VWA8: variants seen among roughly 807,000 people sequenced by gnomAD.
VWA8 encodes von Willebrand factor A domain-containing protein 8.
Under a neutral mutation model 241.5 loss-of-function variants are expected in VWA8, and 221 were observed. The observed-to-expected ratio is 0.91, with a 90% CI of 0.82 to 1.02. The LOEUF is 1.02. Among genes scored for constraint, VWA8 ranks in the 50% least tolerant of loss-of-function variants. The probability of loss-of-function intolerance (pLI) is 0.00; values close to 1 mark genes in which losing one functional copy is unlikely to be tolerated. For synonymous variants in VWA8, 852 were observed against 827.1 expected (o/e 1.03, Z -0.52); for missense variants, 2,322 against 2,328.7 (o/e 1.00, Z 0.06).
At chr13:41,837,804 T>G (rs560488167) in intron 12 of VWA8, among the ~76,000 whole-genome samples, 107 of 152,322 alleles carry the variant, frequency 7.0e-4, no homozygotes, top group Non-Finnish European at 8.1e-4. Context: ...AACATCCTTA[T>G]TTTTGCATAT....
chr13:41,715,456 T>G (rs1405111864), intron 26 of VWA8, among the ~76,000 whole-genome samples: 1 of 152,028 alleles, frequency 6.6e-6, no homozygotes, highest in Non-Finnish European at 1.5e-5. Context: ...TTTTTCTTTC[T>G]TTAAAACAAA....
chr13:41,705,527 T>C (rs2045277631), intron 26 of VWA8, among the ~76,000 whole-genome samples: 1 of 152,190 alleles, frequency 6.6e-6, no homozygotes, highest in African/African-American at 2.4e-5. Context: ...CAGAAGGAGA[T>C]ACACTTAATA....
chr13:41,941,814 C>T (rs539678063), intron 2 of VWA8, among the ~76,000 whole-genome samples: 1 of 152,264 alleles, frequency 6.6e-6, no homozygotes, highest in Non-Finnish European at 1.5e-5. Flanking sequence ...GAAACAATCA[C>T]CCCTATACAG....
chr13:41,614,526 T>A (rs1160859195), intron 38 of VWA8, among the ~76,000 whole-genome samples: 1 of 152,224 alleles, frequency 6.6e-6, no homozygotes, highest in African/African-American at 2.4e-5. Flanking sequence ...AAGGACCATT[T>A]CTTTTCAGTC....
At chr13:41,860,621 GT>G (rs1397148592) in intron 12 of VWA8, among the ~76,000 whole-genome samples, 3 of 152,102 alleles carry the variant, frequency 2.0e-5, no homozygotes, top group Admixed American at 6.5e-5. Flanking sequence ...ATAAAATAAT[GT>G]TTTGGTGAGT....
chr13:41,587,626 T>C lies in VWA8; in HGVS notation c.5157A>G (p.Val1719=), dbSNP rs774269399. The C allele has an allele frequency of 1.9e-5, 31 of 1,614,106 alleles. No individual in the cohort carries two copies. The highest frequency in any genetic ancestry group is 2.7e-5 in the African/African-American group (2 of 74,934). Reference sequence around the variant, plus strand: ...AACGGTACATGCTACCAGACACATCTACCACCAGGCGCAGACGCTTGGGTT... The same window carrying C: ...AACGGTACATGCTACCAGACACATCCACCACCAGGCGCAGACGCTTGGGTT... ...QQKPKRLRLV[V]DVSGSMYRFN... is the part of the protein sequence containing the mutation. Residue 1719 remains valine, a synonymous_variant, in exon 42 of 45, where the codon GTA becomes GTG. Transcript: ENST00000379310.
intron 2 of VWA8, among the ~76,000 whole-genome samples, chr13:41,933,313 A>C (rs1566044212): frequency 6.6e-6 from 1 of 152,064 alleles, no homozygotes; most frequent in Non-Finnish European, 1.5e-5. Context: ...AGAGAAATTA[A>C]AGATCTAAAT....
At chr13:41,575,638 T>C in intron 43 of VWA8, 102 bp downstream of exon 43, 3 of 801,380 alleles carry the variant, frequency 3.7e-6, no homozygotes, top group Non-Finnish European at 5.8e-6. Flanking sequence ...TGAAACAGTC[T>C]TTTTCTTTCC....
intron 3 of VWA8, among the ~76,000 whole-genome samples, chr13:41,910,023 G>A (rs546525248): frequency 6.6e-6 from 1 of 152,318 alleles, no homozygotes; most frequent in South Asian, 2.1e-4. Flanking sequence ...GGAGGCTTAA[G>A]CTAGTATTAA....
intron 9 of VWA8, among the ~76,000 whole-genome samples, chr13:41,869,745 A>AAACTAC: frequency 6.6e-6 from 1 of 152,154 alleles, no homozygotes; most frequent in Admixed American, 6.5e-5. Flanking sequence ...AGCTATATCA[A>AAACTAC]AACTACACAG....
At chr13:41,720,812 G>A (rs2045383861) in intron 25 of VWA8, among the ~76,000 whole-genome samples, 1 of 151,948 alleles carries the variant, frequency 6.6e-6, no homozygotes, top group African/African-American at 2.4e-5. Context: ...ACCCTTATTT[G>A]TTCTGTAAGT....
intron 2 of VWA8, among the ~76,000 whole-genome samples, chr13:41,936,458 C>T (rs1877356456): frequency 6.6e-6 from 1 of 152,096 alleles, no homozygotes; most frequent in South Asian, 2.1e-4. Context: ...GTTATATAGG[C>T]ATTAAAAATG....
At chr13:41,717,251 A>T (rs941935844) in intron 26 of VWA8, among the ~76,000 whole-genome samples, 1 of 151,900 alleles carries the variant, frequency 6.6e-6, no homozygotes, top group Non-Finnish European at 1.5e-5. Context: ...AAATATTTTT[A>T]AAAATAATTT....
At chr13:41,853,759 A>G (rs1872618047) in intron 12 of VWA8, among the ~76,000 whole-genome samples, 1 of 152,144 alleles carries the variant, frequency 6.6e-6, no homozygotes, top group African/African-American at 2.4e-5. Context: ...TCATCTAGCT[A>G]CAAGTCTGTA....
In VWA8 at chr13:41,614,991, A is replaced by G. The variant is rs763038461; in HGVS notation, c.4705T>C (p.Trp1569Arg). The G allele has an allele frequency of 7.4e-6, 12 of 1,613,396 alleles. No individual in the cohort carries two copies. Among genetic ancestry groups the G allele is most frequent in the Non-Finnish European group, 9.3e-6 (11 of 1,179,906 alleles). ...DNMPHVGGNT[W>R]AGGTGGRDTA... ...TGCTACCAACCTGTTCCGCCAGCCCAAGTGTTGCCGCCCACGTGAGGCATG... is the reference window on the plus strand; with the variant it reads ...TGCTACCAACCTGTTCCGCCAGCCCGAGTGTTGCCGCCCACGTGAGGCATG... Residue 1569 changes from tryptophan (W) to arginine (R), a missense_variant, in exon 38 of 45, where the codon TGG becomes CGG. By Grantham distance (101) the Trp-to-Arg change is moderately radical (BLOSUM62 -3). Transcript: ENST00000379310.
intron 9 of VWA8, among the ~76,000 whole-genome samples, chr13:41,882,052 C>CA (rs1874246525): frequency 1.6e-5 from 2 of 121,538 alleles, no homozygotes; most frequent in African/African-American, 7.1e-5. Context: ...CTCAGACGGG[C>CA]GGTTGCCAGG....
At chr13:41,900,833 A>C (rs1196611007) in intron 4 of VWA8, among the ~76,000 whole-genome samples, 2 of 152,186 alleles carry the variant, frequency 1.3e-5, no homozygotes, top group African/African-American at 2.4e-5. Context: ...CTAAAGAAAA[A>C]TTTTTTAAAT....
chr13:41,897,782 G>A (rs1363803806), intron 4 of VWA8, among the ~76,000 whole-genome samples: 3 of 152,270 alleles, frequency 2.0e-5, no homozygotes, highest in East Asian at 1.9e-4. Flanking sequence ...ATAGTGGGCA[G>A]TAGCAAGATT....
intron 21 of VWA8, among the ~76,000 whole-genome samples, chr13:41,735,692 C>T (rs10507496): frequency 0.066 from 10,093 of 151,982 alleles, 445 homozygotes; most frequent in Non-Finnish European, 0.097. Context: ...CAGTAAGTTA[C>T]CCTCATTATG....
Sources: allele counts gnomAD v4.1 joint callset (sites outside exome capture counted in the v4.1 genomes callset), GRCh38; gene constraint gnomAD v4.1.1; transcripts MANE v1.5; gene names NCBI Gene and HGNC (gene_info 2026-07-23, HGNC 2026-07-21).